The following SEL1L2 variants were observed in gnomAD, a reference collection of about 807,000 sequenced individuals.
SEL1L2 encodes the protein SEL1L2 adaptor subunit of SYVN1 ubiquitin ligase, also known as protein sel-1 homolog 2.
A neutral mutation model predicts 98.8 loss-of-function variants in SEL1L2; 89 were observed. The ratio of observed to expected loss-of-function variants is 0.90; its 90% CI spans 0.76 to 1.07. The LOEUF (loss-of-function observed/expected upper bound fraction) is 1.07, where lower values mean the gene tolerates loss of function less well. Ranked by LOEUF, SEL1L2 falls within the 50% of genes least tolerant of loss-of-function variation. The pLI, the probability that SEL1L2 is intolerant of heterozygous loss-of-function variation, is 0.00. For missense variants in SEL1L2, 788 were observed against 812.0 expected, an observed-to-expected ratio of 0.97 and a Z score of 0.36; for synonymous variants, 262 against 278.5, an observed-to-expected ratio of 0.94 and a Z score of 0.59.
chr20:13,904,838 C>T (rs1426886343), intron 5 of SEL1L2, among the ~76,000 whole-genome samples: 3 of 152,144 alleles, frequency 2.0e-5, no homozygotes, highest in Non-Finnish European at 4.4e-5. Flanking sequence ...AACAAATATA[C>T]TGACCTTTTT....
chr20:13,941,958 T>C (rs1481946105), intron 2 of SEL1L2, among the ~76,000 whole-genome samples: 1 of 152,216 alleles, frequency 6.6e-6, no homozygotes, highest in African/African-American at 2.4e-5. Context: ...GTCCCTTTTT[T>C]CTTTCCTGGT....
At chr20:13,977,841 T>G (rs2051620681) in intron 1 of SEL1L2, among the ~76,000 whole-genome samples, 2 of 152,046 alleles carry the variant, frequency 1.3e-5, no homozygotes, top group South Asian at 4.1e-4. Context: ...AAAAATTTGA[T>G]GAAAAAAATT....
chr20:13,932,435 A>T lies in SEL1L2; in HGVS notation c.115-664T>A, dbSNP rs898997513. The stretch of plus-strand genomic sequence containing the variant: ...TATTATTATTATTATTATTATTATT[A>T]TTATTATTATTTTTTGAGACGAGTT... On this transcript the variant is annotated intron_variant, in intron 2 of 19. Transcript: ENST00000284951. 3.8e-4 allele frequency among the ~76,000 whole-genome samples: 57 copies of T among 148,348 alleles called. 1 individual carries two copies. The highest frequency in any genetic ancestry group is 1.1e-3 in the South Asian group (5 of 4,610).
intron 12 of SEL1L2, among the ~76,000 whole-genome samples, chr20:13,875,685 G>C (rs1175471738): frequency 3.9e-5 from 6 of 152,118 alleles, no homozygotes; most frequent in Admixed American, 3.9e-4. Context: ...CTATTGATTG[G>C]ATTTTCCCTT....
intron 10 of SEL1L2, among the ~76,000 whole-genome samples, chr20:13,879,326 A>G (rs905359969): frequency 6.6e-6 from 1 of 152,166 alleles, no homozygotes; most frequent in Non-Finnish European, 1.5e-5. Flanking sequence ...AATCTTGAAG[A>G]CTAAGCTAAG....
At chr20:13,990,825 C>T (rs1488925854), upstream of SEL1L2, among the ~76,000 whole-genome samples, 3 of 152,132 alleles carry the variant, frequency 2.0e-5, no homozygotes, top group Non-Finnish European at 2.9e-5. Flanking sequence ...ACCAGAAGTC[C>T]GACTCGTACG....
intron 8 of SEL1L2, among the ~76,000 whole-genome samples, chr20:13,887,553 C>A (rs1157991846): frequency 1.3e-5 from 2 of 151,572 alleles, no homozygotes; most frequent in Non-Finnish European, 2.9e-5. Flanking sequence ...TACATATTAA[C>A]AAAAATAAAA....
chr20:13,985,237 T>C (rs2052104532), intron 1 of SEL1L2, among the ~76,000 whole-genome samples: 1 of 152,166 alleles, frequency 6.6e-6, no homozygotes, highest in Non-Finnish European at 1.5e-5. Context: ...CCAAACTTCA[T>C]AGCCTGTCAT....
chr20:13,976,164 G>A (rs2051523894), intron 1 of SEL1L2, among the ~76,000 whole-genome samples: 1 of 151,946 alleles, frequency 6.6e-6, no homozygotes, highest in Non-Finnish European at 1.5e-5. Context: ...ACCACACCCA[G>A]CTAATTTTGG....
intron 12 of SEL1L2, among the ~76,000 whole-genome samples, chr20:13,870,838 G>A (rs191954368): frequency 4.9e-4 from 73 of 148,174 alleles, no homozygotes; most frequent in Non-Finnish European, 5.8e-4. Flanking sequence ...CAGGAGAATT[G>A]CTTGAACCCA....
chr20:13,890,752 A>G (rs954055491), intron 5 of SEL1L2, among the ~76,000 whole-genome samples: 3 of 152,214 alleles, frequency 2.0e-5, no homozygotes, highest in Non-Finnish European at 4.4e-5. Context: ...AATGAACCAT[A>G]AGAGAATAAA....
intron 5 of SEL1L2, among the ~76,000 whole-genome samples, chr20:13,889,873 T>G (rs916016792): frequency 6.6e-6 from 1 of 152,176 alleles, no homozygotes; most frequent in Non-Finnish European, 1.5e-5. Context: ...ATGTAAAATA[T>G]TCAAACAATA....
chr20:13,941,416 T>G (rs1024751251), intron 2 of SEL1L2, among the ~76,000 whole-genome samples: 3 of 152,222 alleles, frequency 2.0e-5, no homozygotes, highest in African/African-American at 7.2e-5. Flanking sequence ...TCTGGCTTCT[T>G]GAATAAAGCT....
intron 3 of SEL1L2, among the ~76,000 whole-genome samples, chr20:13,925,585 T>G (rs528225366): frequency 6.6e-6 from 1 of 152,368 alleles, no homozygotes; most frequent in East Asian, 1.9e-4. Flanking sequence ...TCATAGCTCT[T>G]CTTTCCGATT....
At chr20:13,984,213 T>C (rs780467271) in intron 1 of SEL1L2, among the ~76,000 whole-genome samples, 4 of 152,086 alleles carry the variant, frequency 2.6e-5, no homozygotes, top group Admixed American at 6.5e-5. Context: ...GGTTTCACCA[T>C]GTTGGCCAGG....
In SEL1L2 at chr20:13,866,852, T is replaced by A. The variant is rs1000873753; in HGVS notation, c.1256-2A>T. ...AATCCTTCCATATTCCAGAGCCAGC[T>A]GAAAATTAAAATTGTTTTGAGCCAC... On this transcript the variant is annotated splice_acceptor_variant, in intron 14 of 19. Transcript: ENST00000284951. LOFTEE classifies it high-confidence loss of function. 7.5e-6 allele frequency: 12 copies of A among 1,600,936 alleles called. No homozygotes were observed. Among genetic ancestry groups the A allele is most frequent in the Non-Finnish European group, 1.0e-5 (12 of 1,175,828 alleles).
At chr20:13,995,160 G>C (rs1323896109), upstream of SEL1L2, 1 of 157,982 alleles carries the variant, frequency 6.3e-6, no homozygotes, top group East Asian at 1.9e-4. The surrounding 1 kb of genome is among the most constrained non-coding windows in gnomAD (Gnocchi z 4.3). Flanking sequence ...TGGCGCACCT[G>C]GCTCTACAGG....
At position 13,956,102 on chromosome 20, in the gene SEL1L2, G is replaced by T; in HGVS notation, c.88C>A (p.Gln30Lys). Reference sequence around the variant, plus strand: ...TGTGTGGTGACATTTCTTTCCTTTTGTCTTTTATTATGTTCCTCTGCTTTG... The same window carrying T: ...TGTGTGGTGACATTTCTTTCCTTTTTTCTTTTATTATGTTCCTCTGCTTTG... ...TIKAEEHNKR[Q>K]KERNVTTQVS... Residue 30 changes from glutamine to lysine, a missense_variant, in exon 2 of 20, where the codon CAA becomes AAA. Coordinates refer to ENST00000284951, the MANE Select transcript of SEL1L2 (RefSeq NM_025229.2). 1 of 1,560,988 alleles carries T rather than the reference G, an allele frequency of 6.4e-7. No individual in the cohort carries two copies.
At chr20:13,877,476 G>C in intron 11 of SEL1L2, 44 bp downstream of exon 11, 1 of 1,469,286 alleles carries the variant, frequency 6.8e-7, no homozygotes, top group Non-Finnish European at 9.5e-7. Flanking sequence ...TAATTTCTTA[G>C]GTTTTTAATA....
Sources: allele counts gnomAD v4.1 joint callset (sites outside exome capture counted in the v4.1 genomes callset), GRCh38; gene constraint gnomAD v4.1.1; non-coding constraint Gnocchi (gnomAD v3.1); transcripts MANE v1.5; gene names NCBI Gene and HGNC (gene_info 2026-07-23, HGNC 2026-07-21).